Variants in MRPL48 observed in about 807,000 individuals in gnomAD.
MRPL48 encodes large ribosomal subunit protein mL48.
Under a neutral mutation model 32.9 loss-of-function variants are expected in MRPL48, and 16 were observed. The ratio of observed to expected loss-of-function variants is 0.49; its 90% confidence interval spans 0.33 to 0.74. The LOEUF is 0.74. MRPL48 is among the 30% of genes least tolerant of loss of function. The pLI is 0.02. For missense variants in MRPL48, 206 were observed against 245.3 expected, an observed-to-expected ratio of 0.84 and a Z score of 1.07; for synonymous variants, 94 against 89.2, an observed-to-expected ratio of 1.05 and a Z score of -0.31.
intron 1 of MRPL48, among the ~76,000 whole-genome samples, chr11:73,797,700 C>T (rs1947283367): frequency 6.6e-6 from 1 of 152,236 alleles, no homozygotes. Flanking sequence ...CCTCACTGGC[C>T]TATGCCTGAC....
chr11:73,825,864 T>A lies in MRPL48; in HGVS notation c.201+68T>A, dbSNP rs145504379. The A allele has an allele frequency of 3.3e-5, 44 of 1,313,632 alleles. No individual in the cohort carries two copies. In the East Asian group the frequency reaches 8.4e-4, roughly 25 times the overall value. 81.4% of individuals were successfully genotyped at this position (1,313,632 alleles called of 1,614,324 possible). A position where few individuals can be genotyped will look rare whatever the true frequency, so the allele number is the denominator to read the frequency against. The stretch of plus-strand genomic sequence containing the variant: ...CTTTTGCAAAAACCTGAAGATCAGA[T>A]ATGTATAGTTTTGATAATATTGGAG... On this transcript the variant is annotated intron_variant, in intron 4 of 7. Coordinates refer to ENST00000310614, the MANE Select transcript of MRPL48 (RefSeq NM_016055.6).
chr11:73,789,079 C>T (rs1947101645), intron 1 of MRPL48, among the ~76,000 whole-genome samples: 1 of 152,148 alleles, frequency 6.6e-6, no homozygotes, highest in Non-Finnish European at 1.5e-5. Context: ...TGTGAGGGCC[C>T]ACGCCTCACT....
chr11:73,832,853 G>A (rs1001048572), intron 4 of MRPL48, among the ~76,000 whole-genome samples: 1 of 152,100 alleles, frequency 6.6e-6, no homozygotes, highest in Non-Finnish European at 1.5e-5. Flanking sequence ...CCATAATTGA[G>A]CATCTACTAT....
chr11:73,794,454 T>C (rs1947212680), intron 1 of MRPL48, among the ~76,000 whole-genome samples: 2 of 150,970 alleles, frequency 1.3e-5, no homozygotes, highest in Middle Eastern at 6.8e-3. Context: ...ACTCGGGAGG[T>C]TGAGGCAGGA....
chr11:73,805,535 A>T (rs1359235234), intron 2 of MRPL48, among the ~76,000 whole-genome samples: 1 of 151,740 alleles, frequency 6.6e-6, no homozygotes, highest in Non-Finnish European at 1.5e-5. Flanking sequence ...ACCTCAGGTG[A>T]TCTGCCTGCC....
rs1948304619 is a variant in MRPL48 at position 73,847,004 on chromosome 11, A to G, written c.371+2028A>G. 2.7e-5 allele frequency among the ~76,000 whole-genome samples: 4 copies of G among 146,648 alleles called. No homozygotes were observed. In the Admixed American group the frequency reaches 2.8e-4, roughly 10 times the overall value. ...TTTTTTTTGTCTCACTCTGTTGCCCAGGCTGGAGTGCAGTGGCACAGTCTT... is the reference window on the plus strand; with the variant it reads ...TTTTTTTTGTCTCACTCTGTTGCCCGGGCTGGAGTGCAGTGGCACAGTCTT... On this transcript the variant is annotated intron_variant, in intron 5 of 7. Transcript: ENST00000310614.
intron 3 of MRPL48, among the ~76,000 whole-genome samples, chr11:73,821,112 C>T (rs943446762): frequency 1.3e-5 from 2 of 152,136 alleles, no homozygotes; most frequent in African/African-American, 2.4e-5. Context: ...CCACCACAGC[C>T]TCCTGAGTAG....
chr11:73,788,055 G>GGCGGACGGTGCAGAGAGGGGAGATT, intron 1 of MRPL48, 63 bp downstream of exon 1: 1 of 1,600,984 alleles, frequency 6.2e-7, no homozygotes, highest in Non-Finnish European at 8.5e-7. Flanking sequence ...GAGGGGAGAT[G>GGCGGACGGTGCAGAGAGGGGAGATT]GCGGAGGGTG....
At chr11:73,829,086 G>A (rs933147923) in intron 4 of MRPL48, among the ~76,000 whole-genome samples, 5 of 152,078 alleles carry the variant, frequency 3.3e-5, no homozygotes, top group Admixed American at 6.6e-5. Flanking sequence ...GCTTAATGCC[G>A]TCTGTCCCCA....
At chr11:73,810,031 A>G (rs1463499104) in intron 3 of MRPL48, among the ~76,000 whole-genome samples, 8 of 152,210 alleles carry the variant, frequency 5.3e-5, no homozygotes, top group African/African-American at 1.9e-4. Context: ...GATGCTGGTG[A>G]TACAAAATTA....
intron 1 of MRPL48, among the ~76,000 whole-genome samples, chr11:73,796,617 T>C (rs964719851): frequency 2.6e-5 from 4 of 152,158 alleles, no homozygotes; most frequent in Non-Finnish European, 4.4e-5. Context: ...CAGGTTCCCA[T>C]TGAGACCCCA....
intron 3 of MRPL48, among the ~76,000 whole-genome samples, chr11:73,817,014 T>G (rs1385256643): frequency 6.6e-6 from 1 of 151,786 alleles, no homozygotes; most frequent in African/African-American, 2.4e-5. Context: ...TTTTTTTTAA[T>G]AGAGACGGGG....
At position 73,864,578 on chromosome 11, in the gene MRPL48, T is replaced by C. The variant is rs1948637214; in HGVS notation, c.*208T>C. The C allele has an allele frequency of 3.4e-6, 2 of 586,680 alleles. No individual in the cohort carries two copies. The highest frequency in any genetic ancestry group is 6.1e-6 in the Non-Finnish European group (2 of 328,474). The allele number at this position is 586,680 out of a possible 1,614,324, so 36.3% of individuals were successfully genotyped here. The stretch of plus-strand genomic sequence containing the variant: ...ATGAGGTAATGCTTGTTATCTTCCA[T>C]CTAATAAAAATCTGCTGCAGATGTG... On this transcript the variant is annotated 3_prime_UTR_variant, in exon 8 of 8. Transcript: ENST00000310614.
intron 5 of MRPL48, among the ~76,000 whole-genome samples, chr11:73,846,235 T>C (rs1948285293): frequency 6.6e-6 from 1 of 152,152 alleles, no homozygotes; most frequent in South Asian, 2.1e-4. Context: ...ATAGTATTTG[T>C]CTTTTTGTGA....
chr11:73,817,738 C>A, intron 3 of MRPL48: 1 of 297,726 alleles, frequency 3.4e-6, no homozygotes, highest in Non-Finnish European at 6.8e-6. Context: ...ATAATTTCCA[C>A]TTGAAAGCAC....
chr11:73,861,577 T>C (rs1248963907), intron 6 of MRPL48, among the ~76,000 whole-genome samples: 2 of 151,962 alleles, frequency 1.3e-5, no homozygotes, highest in African/African-American at 4.8e-5. Context: ...CCATGTTGGT[T>C]AGGCTGGTCT....
intron 3 of MRPL48, among the ~76,000 whole-genome samples, chr11:73,818,872 T>C (rs1947722682): frequency 6.6e-6 from 1 of 152,224 alleles, no homozygotes; most frequent in African/African-American, 2.4e-5. Context: ...AGGGGAATGC[T>C]GTGGGAAATG....
intron 3 of MRPL48, among the ~76,000 whole-genome samples, chr11:73,817,423 A>C (rs1565412536): frequency 6.6e-6 from 1 of 152,208 alleles, no homozygotes; most frequent in Non-Finnish European, 1.5e-5. Context: ...GATGTGTATT[A>C]TTACTAAATT....
intron 5 of MRPL48, among the ~76,000 whole-genome samples, chr11:73,858,559 G>A (rs1347004578): frequency 6.6e-6 from 1 of 152,194 alleles, no homozygotes; most frequent in East Asian, 1.9e-4. Flanking sequence ...ACAGGCGTGA[G>A]CCACCGCGCC....
Sources: gnomAD v4.1 joint callset for allele counts (sites outside exome capture counted in the v4.1 genomes callset) on GRCh38, gnomAD v4.1.1 for gene constraint, MANE v1.5 for transcripts, NCBI Gene and HGNC (gene_info 2026-07-23, HGNC 2026-07-21) for gene names.